Variants in ZNF565 observed in about 807,000 individuals in gnomAD.
The protein encoded by ZNF565 is zinc finger protein 565.
Under a neutral mutation model 39.4 loss-of-function variants are expected in ZNF565, and 27 were observed. That is an observed-to-expected ratio of 0.69 (90% confidence interval 0.51 to 0.95). The LOEUF (loss-of-function observed/expected upper bound fraction) is 0.95. ZNF565 is among the 40% of genes least tolerant of loss of function. The pLI is 0.00. For missense variants in ZNF565, 524 were observed against 621.1 expected (o/e 0.84, Z 1.66); for synonymous variants, 185 against 216.6 (o/e 0.85, Z 1.28).
At chr19:36,220,310 TAAATGGTATAGTA>T (rs60244849) in intron 1 of ZNF565, among the ~76,000 whole-genome samples, 16,664 of 148,272 alleles carry the variant, frequency 0.11, 1,932 homozygotes, top group Non-Finnish European at 0.16. Flanking sequence ...TAATTCACTT[TAAATGGTATAGTA>T]TTTTTACCTA....
At chr19:36,183,993 G>T (rs1397975659) in intron 4 of ZNF565, among the ~76,000 whole-genome samples, 1 of 143,186 alleles carries the variant, frequency 7.0e-6, no homozygotes, top group Non-Finnish European at 1.5e-5. Flanking sequence ...CAGGAGAATC[G>T]CTTGAACCTG....
intron 1 of ZNF565, among the ~76,000 whole-genome samples, chr19:36,221,284 C>CTCT (rs1976823930): frequency 1.0e-5 from 1 of 98,700 alleles, no homozygotes; most frequent in Non-Finnish European, 1.9e-5. Context: ...TAAGGGACTG[C>CTCT]TTTTTTTTTT....
At chr19:36,238,864 G>A (rs1261310442) in intron 1 of ZNF565, 1 of 159,482 alleles carries the variant, frequency 6.3e-6, no homozygotes, top group Non-Finnish European at 1.5e-5. Context: ...TGGCGGGTGA[G>A]CGAGCATTGC....
intron 2 of ZNF565, among the ~76,000 whole-genome samples, chr19:36,198,837 T>C (rs2145335443): frequency 6.6e-6 from 1 of 152,302 alleles, no homozygotes; most frequent in Middle Eastern, 3.4e-3. Context: ...TGATCTCAAG[T>C]GATCCACCTG....
At chr19:36,208,746 G>A (rs539194210) in intron 1 of ZNF565, among the ~76,000 whole-genome samples, 1 of 152,250 alleles carries the variant, frequency 6.6e-6, no homozygotes, top group East Asian at 1.9e-4. Context: ...ACAGGTACAG[G>A]AATCTCCATC....
At chr19:36,230,341 G>A (rs756293337) in intron 1 of ZNF565, among the ~76,000 whole-genome samples, 1 of 152,164 alleles carries the variant, frequency 6.6e-6, no homozygotes, top group Non-Finnish European at 1.5e-5. Context: ...TATCAAAACA[G>A]TCAAAAATTT....
intron 1 of ZNF565, among the ~76,000 whole-genome samples, chr19:36,209,448 TTG>T (rs1976272987): frequency 6.6e-6 from 1 of 151,950 alleles, no homozygotes; most frequent in South Asian, 2.1e-4. Flanking sequence ...TGAGCCGAGA[TTG>T]CGCCATTGCA....
upstream of ZNF565, among the ~76,000 whole-genome samples, chr19:36,216,548 C>CTG (rs1976612938): frequency 1.3e-5 from 1 of 78,560 alleles, no homozygotes; most frequent in Non-Finnish European, 3.0e-5. Context: ...ATCTGAGCTA[C>CTG]CGCGGAGGCT....
At chr19:36,202,459 A>G (rs1424857140) in intron 1 of ZNF565, among the ~76,000 whole-genome samples, 2 of 152,138 alleles carry the variant, frequency 1.3e-5, no homozygotes, top group African/African-American at 4.8e-5. Flanking sequence ...AAAGTAAGGA[A>G]CCCAAAAGCA....
chr19:36,229,323 C>G (rs967514742), intron 1 of ZNF565, among the ~76,000 whole-genome samples: 1 of 152,200 alleles, frequency 6.6e-6, no homozygotes, highest in Non-Finnish European at 1.5e-5. Flanking sequence ...CTTCTGCTCC[C>G]ATGTACCTCT....
chr19:36,190,836 A>G (rs1476331821), intron 4 of ZNF565, among the ~76,000 whole-genome samples: 1 of 151,564 alleles, frequency 6.6e-6, no homozygotes, highest in Non-Finnish European at 1.5e-5. Context: ...TACTAAAAAT[A>G]CAAAAATTAG....
In ZNF565 at chr19:36,211,425, C is replaced by T. The variant is rs138465506; in HGVS notation, c.-66+3197G>A. On this transcript the variant is annotated intron_variant, in intron 1 of 4. Coordinates refer to ENST00000304116, the MANE Select transcript of ZNF565 (RefSeq NM_152477.5). Reference sequence around the variant, plus strand: ...GTCACTGCATTCCCAGCCTGGGCAACAAGAGCCAAACTCCAACTCTCTCTC... The same window carrying T: ...GTCACTGCATTCCCAGCCTGGGCAATAAGAGCCAAACTCCAACTCTCTCTC... Among the ~76,000 whole-genome samples, 385 of 143,962 alleles carry T rather than the reference C, an allele frequency of 2.7e-3. 3 individuals carry two copies. The highest frequency in any genetic ancestry group is 9.2e-3 in the African/African-American group (356 of 38,654). The allele number at this position is 143,962 out of a possible 152,430, so 94.4% of individuals were successfully genotyped here. A position where few individuals can be genotyped will look rare whatever the true frequency, so the allele number is the denominator to read the frequency against.
intron 1 of ZNF565, among the ~76,000 whole-genome samples, chr19:36,233,212 G>A (rs1977466215): frequency 6.6e-6 from 1 of 152,096 alleles, no homozygotes; most frequent in African/African-American, 2.4e-5. Flanking sequence ...GTGAAATCCT[G>A]TCTCTACTAA....
chr19:36,222,478 A>G (rs73612191), intron 1 of ZNF565, among the ~76,000 whole-genome samples: 1,720 of 152,316 alleles, frequency 0.011, 33 homozygotes, highest in African/African-American at 0.039. Flanking sequence ...CCAGTGGGTA[A>G]GTACTTACAC....
intron 1 of ZNF565, 123 bp from the exon 2 acceptor site, chr19:36,202,173 T>C (rs1731659417): frequency 1.6e-6 from 1 of 636,186 alleles, no homozygotes; most frequent in African/African-American, 1.8e-5. Flanking sequence ...TTCTCCCACC[T>C]CTCCATGTCC....
chr19:36,201,933 C>A, intron 2 of ZNF565, 44 bp downstream of exon 2: 23 of 1,609,288 alleles, frequency 1.4e-5, no homozygotes, highest in Non-Finnish European at 1.9e-5. Context: ...TATAATCTGG[C>A]GGGAAGACAG....
chr19:36,184,844 C>T (rs972314110), intron 4 of ZNF565, among the ~76,000 whole-genome samples: 1 of 152,094 alleles, frequency 6.6e-6, no homozygotes. Flanking sequence ...AAAGGCCAGG[C>T]GAGGTGGCTT....
At chr19:36,243,687 CAG>C (rs138975105) in intron 1 of ZNF565, among the ~76,000 whole-genome samples, 6,388 of 151,698 alleles carry the variant, frequency 0.042, 480 homozygotes, top group African/African-American at 0.15. Context: ...CCTGGTGTGA[CAG>C]AGTGAGAGAG....
intron 1 of ZNF565, among the ~76,000 whole-genome samples, chr19:36,206,931 G>C (rs1009367917): frequency 1.3e-5 from 2 of 152,208 alleles, no homozygotes; most frequent in Non-Finnish European, 2.9e-5. Context: ...TGGAGGAAGA[G>C]AGGGTGGTCT....
Sources: allele counts gnomAD v4.1 joint callset (sites outside exome capture counted in the v4.1 genomes callset), GRCh38; gene constraint gnomAD v4.1.1; transcripts MANE v1.5; gene names NCBI Gene and HGNC (gene_info 2026-07-23, HGNC 2026-07-21).